The following ERI3 variants were observed in gnomAD, a reference collection of about 807,000 sequenced individuals.
ERI3 encodes the protein ERI1 exoribonuclease family member 3.
Under a neutral mutation model 44.4 loss-of-function variants are expected in ERI3, and 18 were observed. That is an observed-to-expected ratio of 0.41 (90% CI 0.28 to 0.60). ERI3 has a LOEUF of 0.60. Ranked by LOEUF, ERI3 falls within the 20% of genes least tolerant of loss-of-function variation. ERI3 has a pLI of 0.36. For synonymous variants in ERI3, 183 were observed against 164.8 expected (o/e 1.11, Z -0.84); for missense variants, 294 against 435.5 (o/e 0.68, Z 2.89).
chr1:44,339,771 T>C (rs1018921747), intron 2 of ERI3, among the ~76,000 whole-genome samples: 1 of 152,116 alleles, frequency 6.6e-6, no homozygotes, highest in Admixed American at 6.5e-5. Flanking sequence ...CAGCAGAAAA[T>C]GTCCAAGGTT....
chr1:44,313,176 A>G lies in ERI3; in HGVS notation c.659T>C (p.Val220Ala). The change falls in exon 5 of 9, where the codon GTG becomes GCG. Residue 220 changes from valine (V) to alanine (A), a missense_variant. Transcript: ENST00000372257. The part of the protein sequence containing the change: ...MVDGQPSLQQ[V>A]LERVDEWMAK... ...AAAGGTCACTCAACCTACCTCCAGC[A>G]CTTGCTGCAGGCTTGGCTGACCATC... The G allele has an allele frequency of 6.2e-7, 1 of 1,614,154 alleles. No individual in the cohort carries two copies. Among genetic ancestry groups the G allele is most frequent in the Non-Finnish European group, 8.5e-7 (1 of 1,180,004 alleles).
rs560382878 is a variant in ERI3 at position 44,352,683 on chromosome 1, CATATGTTACTTT to C, written c.211+155_211+166del. ...TAAGTAAGTTTCTACAGACTTTGAG[CATATGTTACTTT>C]ATCAGAAGAAGCTACAAAAAAATAT... On this transcript the variant is annotated intron_variant, in intron 2 of 8. Transcript: ENST00000372257. Among the ~76,000 whole-genome samples, 8 of 152,200 alleles carry C rather than the reference CATATGTTACTTT, an allele frequency of 5.3e-5. No individual in the cohort carries two copies. In the South Asian group the frequency reaches 1.7e-3, roughly 32 times the overall value.
chr1:44,353,456 CTAAT>C (rs1646936980), intron 1 of ERI3: 1 of 985,350 alleles, frequency 1.0e-6, no homozygotes, highest in African/African-American at 1.7e-5. Flanking sequence ...TCCTTTTCAA[CTAAT>C]TCATATCCTC....
intron 7 of ERI3, among the ~76,000 whole-genome samples, chr1:44,259,278 T>C (rs998894651): frequency 6.0e-5 from 9 of 150,976 alleles, no homozygotes; most frequent in Non-Finnish European, 1.3e-4. Context: ...GCTGGCTGCC[T>C]GGCTGCCTGG....
At chr1:44,240,677 C>T (rs973607272) in intron 8 of ERI3, among the ~76,000 whole-genome samples, 1 of 152,190 alleles carries the variant, frequency 6.6e-6, no homozygotes, top group East Asian at 1.9e-4. Context: ...TGTACTAATA[C>T]CTGGCCCTCA....
chr1:44,315,572 TG>T (rs1357122017), intron 4 of ERI3, among the ~76,000 whole-genome samples: 1 of 152,242 alleles, frequency 6.6e-6, no homozygotes, highest in Non-Finnish European at 1.5e-5. Flanking sequence ...CAGTGCTCAG[TG>T]ATCCTAGAAT....
intron 6 of ERI3, among the ~76,000 whole-genome samples, chr1:44,301,313 C>T (rs575785907): frequency 5.3e-5 from 8 of 152,156 alleles, no homozygotes; most frequent in Non-Finnish European, 1.0e-4. Flanking sequence ...CCCCACTGTG[C>T]ACTGGGAGCC....
At chr1:44,251,693 G>T (rs1207699950) in intron 7 of ERI3, among the ~76,000 whole-genome samples, 1 of 152,212 alleles carries the variant, frequency 6.6e-6, no homozygotes, top group Non-Finnish European at 1.5e-5. Flanking sequence ...AAAGACAAAG[G>T]AAAGTGGCAT....
chr1:44,334,440 G>C (rs1646493440), intron 3 of ERI3, among the ~76,000 whole-genome samples: 1 of 152,206 alleles, frequency 6.6e-6, no homozygotes, highest in Non-Finnish European at 1.5e-5. Context: ...GAGGACAAAG[G>C]AGGCATAATT....
intron 3 of ERI3, among the ~76,000 whole-genome samples, chr1:44,321,523 C>G (rs1191499873): frequency 6.6e-6 from 1 of 152,128 alleles, no homozygotes; most frequent in Non-Finnish European, 1.5e-5. Context: ...ATAACAAAAT[C>G]GAACACACAC....
At chr1:44,234,562 G>A (rs1022566752) in intron 8 of ERI3, among the ~76,000 whole-genome samples, 2 of 151,950 alleles carry the variant, frequency 1.3e-5, no homozygotes, top group Admixed American at 1.3e-4. Context: ...GGGAGGCTGA[G>A]GCAGAACAAT....
chr1:44,291,732 C>T (rs767837204), intron 6 of ERI3, among the ~76,000 whole-genome samples: 10 of 152,220 alleles, frequency 6.6e-5, no homozygotes, highest in Non-Finnish European at 1.0e-4. Context: ...CACACTGCTG[C>T]GCCTGAAACT....
At chr1:44,314,153 T>TTTG (rs779128513) in intron 4 of ERI3, among the ~76,000 whole-genome samples, 2 of 148,146 alleles carry the variant, frequency 1.4e-5, no homozygotes, top group South Asian at 4.4e-4. Context: ...TAAAGTGTGT[T>TTTG]GGGGGGGGGG....
At position 44,274,880 on chromosome 1, in the gene ERI3, CGT is replaced by C. The variant is rs201512191; in HGVS notation, c.831+9953_831+9954del. ...CCTCATCTATACCTAGTGCTCTATG[CGT>C]GTGTTTTTTCCCAAAGACAGATGAA... On this transcript the variant is annotated intron_variant, in intron 7 of 8. Coordinates refer to ENST00000372257, the MANE Select transcript of ERI3 (RefSeq NM_024066.3). Among the ~76,000 whole-genome samples, 1,076 of 152,264 alleles carry C rather than the reference CGT, an allele frequency of 7.1e-3. 9 individuals carry two copies. The highest frequency in any genetic ancestry group is 0.013 in the Non-Finnish European group (851 of 68,022).
chr1:44,312,211 T>C (rs1001451347), intron 5 of ERI3, among the ~76,000 whole-genome samples: 1 of 152,254 alleles, frequency 6.6e-6, no homozygotes, highest in African/African-American at 2.4e-5. Context: ...TCCTCTAGGC[T>C]GCACACCTCC....
intron 8 of ERI3, among the ~76,000 whole-genome samples, chr1:44,247,599 T>C (rs755642880): frequency 2.0e-4 from 31 of 152,232 alleles, no homozygotes; most frequent in Non-Finnish European, 1.0e-4. Flanking sequence ...TCCAGCTCCA[T>C]GGGGGGTGGG....
intron 6 of ERI3, among the ~76,000 whole-genome samples, chr1:44,299,128 T>G (rs1050627986): frequency 1.3e-5 from 2 of 151,936 alleles, no homozygotes; most frequent in African/African-American, 4.8e-5. Context: ...TAAAAATATA[T>G]TGAGCTATAT....
intron 3 of ERI3, among the ~76,000 whole-genome samples, chr1:44,324,456 G>A (rs1646265522): frequency 6.6e-6 from 1 of 150,456 alleles, no homozygotes; most frequent in African/African-American, 2.4e-5. Flanking sequence ...CAGGACCAAG[G>A]GTTTCCTGCA....
chr1:44,342,412 C>T (rs1218510714), intron 2 of ERI3, among the ~76,000 whole-genome samples: 1 of 151,982 alleles, frequency 6.6e-6, no homozygotes, highest in Admixed American at 6.6e-5. Flanking sequence ...CCAGGTTTCT[C>T]ACTGTTAAGA....
Sources: gnomAD v4.1 joint callset for allele counts (sites outside exome capture counted in the v4.1 genomes callset) on GRCh38, gnomAD v4.1.1 for gene constraint, MANE v1.5 for transcripts, NCBI Gene and HGNC (gene_info 2026-07-23, HGNC 2026-07-21) for gene names.